NAA60: variants seen among roughly 807,000 people sequenced by gnomAD.
NAA60 encodes the protein N-alpha-acetyltransferase 60, NatF catalytic subunit.
In NAA60, 8 loss-of-function variants were observed where a neutral mutation model predicts 26.1. That is an observed-to-expected ratio of 0.31 (90% CI 0.18 to 0.55). The LOEUF (loss-of-function observed/expected upper bound fraction) is 0.55, where lower values mean the gene tolerates loss of function less well. Among genes scored for constraint, NAA60 ranks in the 20% least tolerant of loss-of-function variants. NAA60 has a pLI of 0.93. For missense variants in NAA60, 290 were observed against 311.3 expected (o/e 0.93, Z 0.51); for synonymous variants, 131 against 122.5 (o/e 1.07, Z -0.46).
rs974880607 is a variant in NAA60, at chr16:3,476,432, C to T, written c.110+95C>T. The T allele has an allele frequency of 3.4e-4, 346 of 1,026,026 alleles. 4 individuals are homozygous for T. The highest frequency in any genetic ancestry group is 2.9e-3 in the South Asian group (185 of 64,704). 63.6% of individuals were successfully genotyped at this position (1,026,026 alleles called of 1,614,324 possible). Reference sequence around the variant, plus strand: ...TGGGGGCCTCTTGGGCCCTTAGGACCGTGCTGCAAAGATGGGAATGGCCTG... The same window carrying T: ...TGGGGGCCTCTTGGGCCCTTAGGACTGTGCTGCAAAGATGGGAATGGCCTG... On this transcript the variant is annotated intron_variant, in intron 3 of 7. Coordinates refer to ENST00000407558, the MANE Select transcript of NAA60 (RefSeq NM_001083601.3).
chr16:3,448,260 C>G (rs1305735009), intron 1 of NAA60, among the ~76,000 whole-genome samples: 2 of 115,096 alleles, frequency 1.7e-5, no homozygotes, highest in East Asian at 5.4e-4. Context: ...GATGACAGAG[C>G]AAGACCTTGT....
At chr16:3,448,409 T>A (rs2034642097) in intron 1 of NAA60, 62 bp from the exon 2 acceptor site, 1 of 1,363,306 alleles carries the variant, frequency 7.3e-7, no homozygotes, top group Admixed American at 2.1e-5. Flanking sequence ...CATTAGCCTA[T>A]GAGTTGTAGA....
In NAA60 at chr16:3,485,626, A is replaced by G. The variant is rs1423678709; in HGVS notation, c.*366A>G. The G allele has an allele frequency of 2.2e-6, 1 of 456,624 alleles. No individual in the cohort carries two copies. The highest frequency in any genetic ancestry group is 2.3e-5 in the Admixed American group (1 of 42,576). The allele number at this position is 456,624 out of a possible 1,614,324, so 28.3% of individuals were successfully genotyped here. A position where few individuals can be genotyped will look rare whatever the true frequency, so the allele number is the denominator to read the frequency against. On this transcript the variant is annotated 3_prime_UTR_variant, in exon 8 of 8. Transcript: ENST00000407558. ...CTCCCACTCCGCTGCCTGTTCTTGC[A>G]GCTCCTTCCTGGAAAGCTGGAGGGG...
intron 1 of NAA60, 74 bp from the exon 2 acceptor site, chr16:3,448,397 C>T (rs2034641691): frequency 2.4e-6 from 3 of 1,264,770 alleles, no homozygotes; most frequent in Non-Finnish European, 3.3e-6. Flanking sequence ...TTGTCTGACA[C>T]TCATTAGCCT....
At chr16:3,457,914 CCCAACCT>C in intron 2 of NAA60, 7 of 404,920 alleles carry the variant, frequency 1.7e-5, no homozygotes, top group Non-Finnish European at 2.0e-5. Flanking sequence ...CCTGCCCGCT[CCCAACCT>C]GCCCGCTCCC....
Position 3,483,553 on chromosome 16 carries a change from C to A in NAA60, c.528C>A (p.Thr176=). The A allele has an allele frequency of 1.2e-6, 2 of 1,613,382 alleles. No homozygotes were observed. Among genetic ancestry groups the A allele is most frequent in the Non-Finnish European group, 1.7e-6 (2 of 1,179,690 alleles). ...GAGGGGTCCTCAAAGATGGCTTCAC[C>A]TATGTCCTCTACATCAACGGCGGCC... ...SIRGVLKDGF[T]YVLYINGGHP... Residue 176 remains threonine (T), a synonymous_variant, in exon 6 of 8, where the codon ACC becomes ACA. Transcript: ENST00000407558.
chr16:3,475,725 G>T (rs2036437865), intron 2 of NAA60, among the ~76,000 whole-genome samples: 1 of 152,092 alleles, frequency 6.6e-6, no homozygotes, highest in Admixed American at 6.5e-5. Context: ...CCACGCCCTG[G>T]TCATAAAGCC....
chr16:3,484,441 G>C, intron 6 of NAA60: 1 of 559,760 alleles, frequency 1.8e-6, no homozygotes, highest in South Asian at 2.3e-5. Context: ...TGCATCCCTG[G>C]GTGTGGTGTC....
At chr16:3,467,135 G>A (rs545197588) in intron 2 of NAA60, among the ~76,000 whole-genome samples, 9 of 152,204 alleles carry the variant, frequency 5.9e-5, no homozygotes, top group South Asian at 2.1e-4. Flanking sequence ...GTTGGGGGGC[G>A]GCCTTTAGAA....
intron 1 of NAA60, 58 bp from the exon 2 acceptor site, chr16:3,448,413 T>A: frequency 7.1e-7 from 1 of 1,410,700 alleles, no homozygotes; most frequent in Non-Finnish European, 9.7e-7. Flanking sequence ...AGCCTATGAG[T>A]TGTAGAGATG....
chr16:3,477,787 C>T lies in NAA60; in HGVS notation c.110+1450C>T, dbSNP rs866409576. ...TCTATTAAAAATACAAAAATTGGGC[C>T]GGGCGCAGTGGCTCACGCCTGTAAT... On this transcript the variant is annotated intron_variant, in intron 3 of 7. Coordinates refer to ENST00000407558, the MANE Select transcript of NAA60 (RefSeq NM_001083601.3). Among the ~76,000 whole-genome samples the T allele has an allele frequency of 4.6e-4, 63 of 137,974 alleles. No homozygotes were observed. In the Middle Eastern group the frequency reaches 0.014, roughly 31 times the overall value. The allele number at this position is 137,974 out of a possible 152,430, so 90.5% of individuals were successfully genotyped here.
intron 2 of NAA60, among the ~76,000 whole-genome samples, chr16:3,465,897 A>G (rs1235684749): frequency 1.3e-5 from 2 of 152,230 alleles, no homozygotes; most frequent in Non-Finnish European, 2.9e-5. Context: ...TGCAATTGCG[A>G]TAAATTAATG....
In NAA60 at chr16:3,479,488, A is replaced by T. The variant is rs1236788501; in HGVS notation, c.128A>T (p.Tyr43Phe). 1 of 1,613,900 alleles carries T rather than the reference A, an allele frequency of 6.2e-7. No homozygotes were observed. The highest frequency in any genetic ancestry group is 8.5e-7 in the Non-Finnish European group (1 of 1,179,868). ...WFPIEYPDSW[Y>F]RDITSNKKFF... ...TTTCTCAGGTACCCAGACTCATGGT[A>T]TCGTGATATCACATCCAACAAGAAG... Residue 43 changes from tyrosine to phenylalanine, a missense_variant, in exon 4 of 8, where the codon TAT (tyrosine) becomes TTT (phenylalanine). By Grantham distance (22) the Tyr-to-Phe change is conservative. Coordinates refer to ENST00000407558, the MANE Select transcript of NAA60 (RefSeq NM_001083601.3).
intron 1 of NAA60, chr16:3,447,371 G>A (rs1238761401): frequency 1.7e-6 from 1 of 579,838 alleles, no homozygotes; most frequent in Non-Finnish European, 2.2e-6. Flanking sequence ...TTTTGATGCA[G>A]GCATGCAATG....
At chr16:3,470,689 C>G (rs960397297) in intron 2 of NAA60, among the ~76,000 whole-genome samples, 1 of 152,346 alleles carries the variant, frequency 6.6e-6, no homozygotes, top group Middle Eastern at 3.4e-3. Flanking sequence ...GCCGCTGGCC[C>G]TGCCTTTGGA....
chr16:3,448,134 C>T (rs536416081), intron 1 of NAA60, among the ~76,000 whole-genome samples: 18 of 152,112 alleles, frequency 1.2e-4, no homozygotes, highest in South Asian at 2.1e-4. Flanking sequence ...GGAGGCTGGG[C>T]GTGGTCACTC....
intron 4 of NAA60, 118 bp downstream of exon 4, chr16:3,479,718 A>G: frequency 1.7e-6 from 2 of 1,210,992 alleles, no homozygotes; most frequent in South Asian, 1.5e-5. Context: ...CTGTGACCCA[A>G]GGAATCCAAG....
intron 3 of NAA60, 57 bp from the exon 4 acceptor site, chr16:3,479,414 C>G (rs1419780709): frequency 1.9e-6 from 3 of 1,590,318 alleles, no homozygotes. Flanking sequence ...GTCTAGAGCA[C>G]GACCATAGTT....
chr16:3,458,107 A>G (rs2035102084), intron 2 of NAA60: 1 of 985,114 alleles, frequency 1.0e-6, no homozygotes, highest in Non-Finnish European at 1.2e-6. Context: ...GCGCGGTCCC[A>G]CTTCCCGGCT....
Sources: allele counts gnomAD v4.1 joint callset (sites outside exome capture counted in the v4.1 genomes callset), GRCh38; gene constraint gnomAD v4.1.1; transcripts MANE v1.5; gene names NCBI Gene and HGNC (gene_info 2026-07-23, HGNC 2026-07-21).